NUF2: variants seen among roughly 807,000 people sequenced by gnomAD.
The protein encoded by NUF2 is kinetochore protein Nuf2.
In NUF2, 34 loss-of-function variants were observed where a neutral mutation model predicts 61.8. The ratio of observed to expected loss-of-function variants is 0.55; its 90% CI spans 0.42 to 0.73. The LOEUF (loss-of-function observed/expected upper bound fraction) is 0.73, where lower values mean the gene tolerates loss of function less well. Among genes scored for constraint, NUF2 ranks in the 30% least tolerant of loss-of-function variants. The probability of loss-of-function intolerance (pLI) is 0.00; values close to 1 mark genes in which losing one functional copy is unlikely to be tolerated. For synonymous variants in NUF2, 172 were observed against 181.6 expected (o/e 0.95, Z 0.42); for missense variants, 445 against 539.1 (o/e 0.83, Z 1.73).
At chr1:163,339,545 G>C in intron 8 of NUF2, 68 bp downstream of exon 8, 1 of 885,570 alleles carries the variant, frequency 1.1e-6, no homozygotes, top group East Asian at 2.5e-5. Context: ...GGGACATATA[G>C]TGGAGGTAAC....
intron 10 of NUF2, among the ~76,000 whole-genome samples, chr1:163,344,287 GC>G (rs1043331434): frequency 1.3e-5 from 2 of 151,988 alleles, no homozygotes; most frequent in Admixed American, 6.6e-5. Flanking sequence ...GATTAATTTT[GC>G]TGTGAATGTC....
intron 7 of NUF2, among the ~76,000 whole-genome samples, chr1:163,339,013 A>G (rs1650851821): frequency 6.6e-6 from 1 of 152,152 alleles, no homozygotes; most frequent in African/African-American, 2.4e-5. Flanking sequence ...AAGGACTAGT[A>G]GCGGAAGAAT....
chr1:163,337,788 A>C (rs1650812665), intron 6 of NUF2, among the ~76,000 whole-genome samples: 1 of 152,122 alleles, frequency 6.6e-6, no homozygotes, highest in Admixed American at 6.5e-5. Context: ...ACTTAAGGTC[A>C]AGACCTATAA....
intron 13 of NUF2, among the ~76,000 whole-genome samples, chr1:163,351,422 A>G (rs186036365): frequency 1.3e-5 from 2 of 152,254 alleles, no homozygotes; most frequent in East Asian, 3.9e-4. Context: ...TTTAGGTTTT[A>G]TTTATTTCAA....
Position 163,326,128 on chromosome 1 carries a change from C to T in NUF2, c.77C>T (p.Ala26Val). Residue 26 changes from alanine (A) to valine (V), a missense_variant, in exon 2 of 14, where the codon GCT becomes GTT. Physicochemically the swap from Ala to Val is moderately conservative, Grantham distance 64 (BLOSUM62 0). Transcript: ENST00000271452. ...ATTCGCAATAAGATCTTAACAGGAGCTGATGGTAAAAACCTCACCAAGAAT... is the reference window on the plus strand; with the variant it reads ...ATTCGCAATAAGATCTTAACAGGAGTTGATGGTAAAAACCTCACCAAGAAT... ...IHIRNKILTG[A>V]DGKNLTKNDL... 6.2e-7 allele frequency: 1 copy of T among 1,612,944 alleles called. No individual in the cohort carries two copies.
chr1:163,339,020 G>A (rs904008555), intron 7 of NUF2, among the ~76,000 whole-genome samples: 1 of 152,120 alleles, frequency 6.6e-6, no homozygotes, highest in Non-Finnish European at 1.5e-5. Flanking sequence ...AGTAGCGGAA[G>A]AATGGATGGT....
chr1:163,354,967 A>G (rs988295240), intron 13 of NUF2, among the ~76,000 whole-genome samples: 2 of 152,098 alleles, frequency 1.3e-5, no homozygotes, highest in African/African-American at 2.4e-5. Context: ...AATGATAATC[A>G]GGGTCAAATG....
chr1:163,349,041 A>G lies in NUF2; in HGVS notation c.1221A>G (p.Gln407=). The G allele has an allele frequency of 1.9e-6, 3 of 1,612,052 alleles. No homozygotes were observed. The highest frequency in any genetic ancestry group is 2.5e-6 in the Non-Finnish European group (3 of 1,179,414). Reference sequence around the variant, plus strand: ...AAAAAATTAAACTTGGAATTCAACAACTAAAAGATGCTGCTGAAAGGGAGA... The same window carrying G: ...AAAAAATTAAACTTGGAATTCAACAGCTAAAAGATGCTGCTGAAAGGGAGA... ...EIQKIKLGIQ[Q]LKDAAEREKL... The change falls in exon 13 of 14, where the codon CAA becomes CAG. Residue 407 remains glutamine (Q), a synonymous_variant. Coordinates refer to ENST00000271452, the MANE Select transcript of NUF2 (RefSeq NM_145697.3).
intron 9 of NUF2, among the ~76,000 whole-genome samples, chr1:163,342,012 C>A (rs1650963246): frequency 6.6e-6 from 1 of 152,096 alleles, no homozygotes; most frequent in Non-Finnish European, 1.5e-5. Flanking sequence ...ATATTTTTTG[C>A]CCATTAAAAG....
In NUF2 at chr1:163,355,327, C is replaced by T; in HGVS notation, c.1261-8C>T. 1 of 1,587,396 alleles carries T rather than the reference C, an allele frequency of 6.3e-7. No individual in the cohort carries two copies. Among genetic ancestry groups the T allele is most frequent in the East Asian group, 2.3e-5 (1 of 44,182 alleles). On this transcript the variant is annotated splice_polypyrimidine_tract_variant and splice_region_variant and intron_variant, in intron 13 of 13. Transcript: ENST00000271452. The stretch of plus-strand genomic sequence containing the variant: ...AATAATTATTATTCTGTTTCATTTT[C>T]TACTTAGGAAATATTTCTAAACTTG...
chr1:163,354,900 G>C lies in NUF2; in HGVS notation c.1261-435G>C, dbSNP rs560988561. ...CAGTTTATTCAAACAACTCTACAAG[G>C]TATTAATATATTCTTCAGTCCTATA... On this transcript the variant is annotated intron_variant, in intron 13 of 13. Coordinates refer to ENST00000271452, the MANE Select transcript of NUF2 (RefSeq NM_145697.3). Among the ~76,000 whole-genome samples the C allele has an allele frequency of 2.6e-5, 4 of 151,982 alleles. No homozygotes were observed. In the South Asian group the frequency reaches 8.3e-4, roughly 32 times the overall value.
Position 163,336,781 on chromosome 1 carries a change from G to T in NUF2, c.368G>T (p.Gly123Val). The T allele has an allele frequency of 6.2e-7, 1 of 1,612,622 alleles. No individual in the cohort carries two copies. The highest frequency in any genetic ancestry group is 8.5e-7 in the Non-Finnish European group (1 of 1,179,030). The stretch of plus-strand genomic sequence containing the variant: ...AAACGGACAAGTCGGTTTTTAAGTG[G>T]CATTATCAACTTTATTCACTTCAGA... ...KAKRTSRFLS[G>V]IINFIHFREA... Residue 123 changes from glycine (G) to valine (V), a missense_variant, in exon 6 of 14, where the codon GGC becomes GTC. Physicochemically the swap from Gly to Val is moderately radical, Grantham distance 109. Coordinates refer to ENST00000271452, the MANE Select transcript of NUF2 (RefSeq NM_145697.3).
chr1:163,330,453 G>A (rs1453873306), intron 5 of NUF2, among the ~76,000 whole-genome samples: 2 of 152,100 alleles, frequency 1.3e-5, no homozygotes, highest in East Asian at 3.9e-4. Flanking sequence ...ATGTCAAGCA[G>A]TACTTTGATT....
chr1:163,334,937 T>A (rs776340980), intron 5 of NUF2, among the ~76,000 whole-genome samples: 1 of 151,450 alleles, frequency 6.6e-6, no homozygotes, highest in Non-Finnish European at 1.5e-5. Context: ...ATTTTTTGTG[T>A]GTTTGTCTTG....
Position 163,340,445 on chromosome 1 carries a change from C to T in NUF2, c.669+19C>T. The T allele has an allele frequency of 6.3e-7, 1 of 1,581,578 alleles. No homozygotes were observed. Among genetic ancestry groups the T allele is most frequent in the Non-Finnish European group, 8.7e-7 (1 of 1,153,672 alleles). ...GCGTTTGGTAAACATCTTTTCTTTT[C>T]ACTAGCATTTAAAGTTTGAATATAT... On this transcript the variant is annotated intron_variant, in intron 9 of 13. Transcript: ENST00000271452.
Position 163,343,854 on chromosome 1 carries a change from A to C in NUF2, c.791A>C (p.Lys264Thr), listed in dbSNP as rs1268754316. ...GAAAAAATGAAAGATACGGTCCAGAAGCTTAAAAATGCCAGAGTGAGTTTT... is the reference window on the plus strand; with the variant it reads ...GAAAAAATGAAAGATACGGTCCAGACGCTTAAAAATGCCAGAGTGAGTTTT... ...YKEKMKDTVQKLKNARQEVVE... is the reference protein window; with the variant it reads ...YKEKMKDTVQTLKNARQEVVE... Residue 264 changes from lysine (K) to threonine (T), a missense_variant, in exon 10 of 14, where the codon AAG (lysine) becomes ACG (threonine). Transcript: ENST00000271452. The C allele has an allele frequency of 7.1e-7, 1 of 1,417,254 alleles. No individual in the cohort carries two copies. The highest frequency in any genetic ancestry group is 1.5e-5 in the African/African-American group (1 of 67,038). The allele number at this position is 1,417,254 out of a possible 1,614,324, so 87.8% of individuals were successfully genotyped here.
chr1:163,337,993 A>T (rs1464332471), intron 6 of NUF2, 27 bp from the exon 7 acceptor site: 1 of 1,562,600 alleles, frequency 6.4e-7, no homozygotes, highest in Admixed American at 1.7e-5. Context: ...ATGCACTAAT[A>T]TGAGATGATT....
chr1:163,322,455 C>G (rs1650259450), intron 1 of NUF2, among the ~76,000 whole-genome samples: 2 of 152,202 alleles, frequency 1.3e-5, no homozygotes, highest in Admixed American at 6.5e-5. Flanking sequence ...CCAAACGTTT[C>G]TTAACCAAAT....
At chr1:163,352,684 G>A (rs1651361653) in intron 13 of NUF2, among the ~76,000 whole-genome samples, 1 of 152,174 alleles carries the variant, frequency 6.6e-6, no homozygotes, top group African/African-American at 2.4e-5. Flanking sequence ...GGCTAACACA[G>A]TGAAACCCCG....
Sources: allele counts gnomAD v4.1 joint callset (sites outside exome capture counted in the v4.1 genomes callset), GRCh38; gene constraint gnomAD v4.1.1; transcripts MANE v1.5; gene names NCBI Gene and HGNC (gene_info 2026-07-23, HGNC 2026-07-21).